ATF7: variants seen among roughly 807,000 people sequenced by gnomAD.
ATF7 encodes cyclic AMP-dependent transcription factor ATF-7.
In ATF7, 10 loss-of-function variants were observed where a neutral mutation model predicts 50.4. That is an observed-to-expected ratio of 0.20 (90% CI 0.12 to 0.34). The LOEUF (loss-of-function observed/expected upper bound fraction) is 0.34, where lower values mean the gene tolerates loss of function less well. Among genes scored for constraint, ATF7 ranks in the 10% least tolerant of loss-of-function variants. ATF7 has a pLI of 1.00. For missense variants in ATF7, 465 were observed against 613.9 expected, an observed-to-expected ratio of 0.76 and a Z score of 2.56; for synonymous variants, 201 against 226.4, an observed-to-expected ratio of 0.89 and a Z score of 1.01.
At chr12:53,556,430 TTCTTA>T (rs1940757250) in intron 2 of ATF7, among the ~76,000 whole-genome samples, 1 of 152,120 alleles carries the variant, frequency 6.6e-6, no homozygotes, top group Non-Finnish European at 1.5e-5. Context: ...TTTAATACAA[TTCTTA>T]TCTTATATGC....
chr12:53,621,547 C>T (rs1227515794), intron 1 of ATF7, among the ~76,000 whole-genome samples: 3 of 151,786 alleles, frequency 2.0e-5, no homozygotes, highest in African/African-American at 7.3e-5. Context: ...TTTGGGAGTT[C>T]AAGGTGGGTG....
Position 53,601,006 on chromosome 12 carries a change from A to G in ATF7, c.-6T>C. 6.2e-7 allele frequency: 1 copy of G among 1,612,952 alleles called. No homozygotes were observed. ...AACGGTCTGTCGTCTCCCATATTTC[A>G]TATAGCAGAGAGGAGCTGAGGAGGG... On this transcript the variant is annotated 5_prime_UTR_variant, in exon 2 of 12. It removes an upstream start codon present in the reference 5' UTR. Coordinates refer to ENST00000420353, the MANE Select transcript of ATF7 (RefSeq NM_006856.3).
At chr12:53,591,572 C>G (rs1241933571) in intron 2 of ATF7, among the ~76,000 whole-genome samples, 6 of 152,196 alleles carry the variant, frequency 3.9e-5, no homozygotes, top group Non-Finnish European at 8.8e-5. Flanking sequence ...CTCCCTGTGG[C>G]TAAGGAATCA....
chr12:53,528,917 C>T (rs1347761531), intron 9 of ATF7, among the ~76,000 whole-genome samples: 1 of 151,758 alleles, frequency 6.6e-6, no homozygotes, highest in Non-Finnish European at 1.5e-5. Context: ...ACGGGAAGAA[C>T]GACAAGGAAA....
chr12:53,571,110 A>T (rs1941733449), intron 2 of ATF7, among the ~76,000 whole-genome samples: 1 of 152,174 alleles, frequency 6.6e-6, no homozygotes, highest in East Asian at 1.9e-4. Context: ...GGGAGATTAG[A>T]AACACACAGA....
intron 3 of ATF7, 106 bp downstream of exon 3, chr12:53,552,435 C>G (rs1683151): frequency 0.45 from 377,493 of 835,082 alleles, 94,951 homozygotes; most frequent in Non-Finnish European, 0.52. Context: ...CACATAAGGG[C>G]TCTTAATGGG....
At chr12:53,521,096 G>A (rs752601384) in intron 11 of ATF7, among the ~76,000 whole-genome samples, 3 of 151,744 alleles carry the variant, frequency 2.0e-5, no homozygotes, top group Non-Finnish European at 4.4e-5. Context: ...AGGTTCAAGT[G>A]ATTCTCCTGC....
intron 1 of ATF7, among the ~76,000 whole-genome samples, chr12:53,606,191 T>G (rs1261366799): frequency 6.6e-6 from 1 of 150,668 alleles, no homozygotes; most frequent in East Asian, 1.9e-4. Flanking sequence ...GCTATTAAGA[T>G]ATATATATAT....
chr12:53,543,459 G>T lies in ATF7; in HGVS notation c.146-11C>A. On this transcript the variant is annotated splice_polypyrimidine_tract_variant and intron_variant, in intron 3 of 11. Transcript: ENST00000420353. ...GAGTAGGCGTTTGATCTGTAGACAT[G>T]AAAGAAAAGGAAACTGTTTTAGTTT... 6.4e-7 allele frequency: 1 copy of T among 1,558,184 alleles called. No homozygotes were observed.
intron 2 of ATF7, among the ~76,000 whole-genome samples, chr12:53,575,321 C>T (rs959190272): frequency 3.3e-5 from 5 of 151,728 alleles, no homozygotes; most frequent in African/African-American, 9.7e-5. Flanking sequence ...GCAGGAGAAT[C>T]GCTTGAACCC....
intron 1 of ATF7, among the ~76,000 whole-genome samples, chr12:53,605,172 C>T (rs1468798942): frequency 1.3e-5 from 2 of 151,638 alleles, no homozygotes; most frequent in African/African-American, 4.9e-5. Flanking sequence ...GCAGATCACC[C>T]GAGGTCAGGA....
chr12:53,583,943 C>T (rs975536641), intron 2 of ATF7, among the ~76,000 whole-genome samples: 9 of 152,202 alleles, frequency 5.9e-5, no homozygotes, highest in Non-Finnish European at 1.3e-4. Flanking sequence ...GCATGCTCAA[C>T]ATCATGCCAT....
At chr12:53,587,841 ATATTTT>A (rs371459995) in intron 2 of ATF7, among the ~76,000 whole-genome samples, 1,019 of 46,402 alleles carry the variant, frequency 0.022, 16 homozygotes, top group Middle Eastern at 0.1. Context: ...ATATATATAT[ATATTTT>A]TTTTTTTTTT....
intron 2 of ATF7, among the ~76,000 whole-genome samples, chr12:53,579,003 G>A (rs914206331): frequency 6.6e-6 from 1 of 152,034 alleles, no homozygotes; most frequent in Admixed American, 6.6e-5. Context: ...AGCACTTTGG[G>A]AGCCTGAGGC....
chr12:53,594,483 A>G (rs1943070399), intron 2 of ATF7, among the ~76,000 whole-genome samples: 1 of 152,248 alleles, frequency 6.6e-6, no homozygotes, highest in African/African-American at 2.4e-5. Flanking sequence ...TATAACATGA[A>G]AAACAAAAAT....
At chr12:53,625,894 C>T (rs1382299560) in intron 1 of ATF7, 1 of 152,382 alleles carries the variant, frequency 6.6e-6, no homozygotes, top group Non-Finnish European at 1.5e-5. Context: ...ACTACCCTTC[C>T]CTCAGGATTC....
chr12:53,624,874 T>TGG lies in ATF7; in HGVS notation c.-22+1403_-22+1404dup, dbSNP rs141521511. On this transcript the variant is annotated intron_variant, in intron 1 of 11. Coordinates refer to ENST00000420353, the MANE Select transcript of ATF7 (RefSeq NM_006856.3). ...CATTCGACAACTCTTCGAGAATGAC[T>TGG]GGGGAAGCCACATTTAACAAAACAA... Among the ~76,000 whole-genome samples, 169 of 152,346 alleles carry TGG rather than the reference T, an allele frequency of 1.1e-3. 2 individuals carry two copies. In the East Asian group the frequency reaches 0.031, roughly 28 times the overall value.
At chr12:53,570,844 G>T (rs1941714739) in intron 2 of ATF7, among the ~76,000 whole-genome samples, 1 of 151,752 alleles carries the variant, frequency 6.6e-6, no homozygotes, top group African/African-American at 2.4e-5. Context: ...ACTTCAGTAT[G>T]ACCTCATATT....
chr12:53,530,233 G>A (rs1938787104), intron 9 of ATF7, among the ~76,000 whole-genome samples: 1 of 152,166 alleles, frequency 6.6e-6, no homozygotes, highest in East Asian at 1.9e-4. Flanking sequence ...GAAAGCTTTT[G>A]TTGTTGGCCA....
Sources: allele counts gnomAD v4.1 joint callset (sites outside exome capture counted in the v4.1 genomes callset), GRCh38; gene constraint gnomAD v4.1.1; transcripts MANE v1.5; gene names NCBI Gene and HGNC (gene_info 2026-07-23, HGNC 2026-07-21).